Variants in NFYC observed in about 807,000 individuals in gnomAD.
NFYC encodes the protein nuclear transcription factor Y subunit gamma.
A neutral mutation model predicts 53.1 loss-of-function variants in NFYC; 25 were observed. The observed-to-expected ratio is 0.47, with a 90% CI of 0.34 to 0.66. NFYC has a LOEUF of 0.66. Among genes scored for constraint, NFYC ranks in the 30% least tolerant of loss-of-function variants. NFYC has a pLI of 0.01. For synonymous variants in NFYC, 145 were observed against 152.6 expected, an observed-to-expected ratio of 0.95 and a Z score of 0.37; for missense variants, 260 against 422.7, an observed-to-expected ratio of 0.62 and a Z score of 3.38.
intron 1 of NFYC, among the ~76,000 whole-genome samples, chr1:40,727,180 A>G (rs939186492): frequency 2.0e-5 from 3 of 152,210 alleles, no homozygotes; most frequent in African/African-American, 7.2e-5. Context: ...ACTTCCTCCC[A>G]TGAATTTTGA....
intron 2 of NFYC, among the ~76,000 whole-genome samples, chr1:40,746,733 A>G (rs1645626040): frequency 6.6e-6 from 1 of 152,220 alleles, no homozygotes; most frequent in Admixed American, 6.5e-5. Context: ...AAATACCAGT[A>G]GTTTCAAAAT....
chr1:40,695,610 G>T (rs1471736458), intron 1 of NFYC: 2 of 152,060 alleles, frequency 1.3e-5, no homozygotes, highest in African/African-American at 2.4e-5. Context: ...TAGTAGACAC[G>T]GGCTTCCACC....
At chr1:40,702,004 T>C (rs1021338175) in intron 1 of NFYC, among the ~76,000 whole-genome samples, 14 of 152,158 alleles carry the variant, frequency 9.2e-5, no homozygotes, top group African/African-American at 1.2e-4. Flanking sequence ...CCTTTACACA[T>C]CCCTGTCAAG....
chr1:40,714,348 G>C (rs1285239781), intron 1 of NFYC, among the ~76,000 whole-genome samples: 1 of 152,110 alleles, frequency 6.6e-6, no homozygotes, highest in Non-Finnish European at 1.5e-5. Flanking sequence ...CAGCAAAGTG[G>C]TATTATGTGT....
chr1:40,760,347 G>T (rs188990833), intron 6 of NFYC, among the ~76,000 whole-genome samples: 1 of 152,158 alleles, frequency 6.6e-6, no homozygotes. Flanking sequence ...CAGGAGGGTC[G>T]CATGGGCCCG....
intron 1 of NFYC, chr1:40,735,692 C>A (rs1415828771): frequency 1.0e-6 from 1 of 985,244 alleles, no homozygotes; most frequent in Admixed American, 6.1e-5. Context: ...TTGACCTTAG[C>A]AGTTTGCATG....
chr1:40,766,993 C>G, intron 8 of NFYC: 1 of 1,551,250 alleles, frequency 6.4e-7, no homozygotes, highest in Non-Finnish European at 8.7e-7. Context: ...ACCCATCAGA[C>G]CTGGGAAATG....
intron 1 of NFYC, among the ~76,000 whole-genome samples, chr1:40,729,332 C>CA (rs1477589724): frequency 1.3e-5 from 2 of 152,208 alleles, no homozygotes; most frequent in African/African-American, 4.8e-5. Flanking sequence ...TCTACATTAG[C>CA]ACTTGCTACT....
chr1:40,702,144 C>T (rs564847616), intron 1 of NFYC, among the ~76,000 whole-genome samples: 1 of 152,232 alleles, frequency 6.6e-6, no homozygotes, highest in Admixed American at 6.5e-5. Flanking sequence ...TTAATTTATG[C>T]TTTGGAGAAT....
At chr1:40,742,111 A>T (rs961661615) in intron 2 of NFYC, among the ~76,000 whole-genome samples, 1 of 151,656 alleles carries the variant, frequency 6.6e-6, no homozygotes, top group Admixed American at 6.6e-5. Context: ...AGGTCTCACT[A>T]TGTTGCCTAG....
intron 2 of NFYC, among the ~76,000 whole-genome samples, chr1:40,746,379 G>A (rs994524653): frequency 1.6e-4 from 25 of 152,310 alleles, no homozygotes; most frequent in African/African-American, 5.3e-4. Flanking sequence ...AATAGGTTCT[G>A]GGAAGACTGT....
intron 1 of NFYC, chr1:40,734,786 A>G (rs932003620): frequency 6.6e-6 from 1 of 152,256 alleles, no homozygotes; most frequent in Non-Finnish European, 1.5e-5. Flanking sequence ...TTAACAATTT[A>G]TGTTCTTCTA....
chr1:40,713,449 C>G (rs1332915125), intron 1 of NFYC, among the ~76,000 whole-genome samples: 2 of 151,898 alleles, frequency 1.3e-5, no homozygotes, highest in Non-Finnish European at 2.9e-5. Context: ...AAGATGAGGT[C>G]TCCCTTTTAA....
At chr1:40,765,493 C>G (rs898183186) in intron 7 of NFYC, among the ~76,000 whole-genome samples, 4 of 152,232 alleles carry the variant, frequency 2.6e-5, no homozygotes, top group Non-Finnish European at 5.9e-5. Flanking sequence ...TGGAAGAGTC[C>G]TGCAGTGAAG....
Position 40,697,844 on chromosome 1 carries a change from A to G in NFYC, c.-9+5977A>G, listed in dbSNP as rs1211317358. Among the ~76,000 whole-genome samples the G allele has an allele frequency of 3.9e-5, 6 of 152,252 alleles. No individual in the cohort carries two copies. In the South Asian group the frequency reaches 6.2e-4, roughly 16 times the overall value. ...CCCTTCCCACACTTCTCCATGTGTT[A>G]GCAGTGATGTACCTGATAGCAGTGA... On this transcript the variant is annotated intron_variant, in intron 1 of 9. Coordinates refer to ENST00000447388, the MANE Select transcript of NFYC (RefSeq NM_014223.5).
intron 4 of NFYC, among the ~76,000 whole-genome samples, chr1:40,751,948 G>A (rs1212970793): frequency 6.6e-6 from 1 of 151,986 alleles, no homozygotes; most frequent in Non-Finnish European, 1.5e-5. Flanking sequence ...CAAGAAGGGC[G>A]GACTAGAGTT....
At chr1:40,756,298 T>C (rs1289328142) in intron 5 of NFYC, among the ~76,000 whole-genome samples, 1 of 152,230 alleles carries the variant, frequency 6.6e-6, no homozygotes, top group Non-Finnish European at 1.5e-5. Context: ...GTTGAAATTG[T>C]TGTGGAAATT....
At chr1:40,738,028 A>C (rs940398531) in intron 1 of NFYC, among the ~76,000 whole-genome samples, 1 of 148,376 alleles carries the variant, frequency 6.7e-6, no homozygotes, top group Non-Finnish European at 1.5e-5. Context: ...TCAGCCTCCC[A>C]AGTAGCTGGG....
chr1:40,696,807 G>A (rs1339916663), intron 1 of NFYC, among the ~76,000 whole-genome samples: 1 of 152,220 alleles, frequency 6.6e-6, no homozygotes, highest in Non-Finnish European at 1.5e-5. Context: ...GAAACTGGTT[G>A]TGAGTTATCT....
Sources: allele counts gnomAD v4.1 joint callset (sites outside exome capture counted in the v4.1 genomes callset), GRCh38; gene constraint gnomAD v4.1.1; transcripts MANE v1.5; gene names NCBI Gene and HGNC (gene_info 2026-07-23, HGNC 2026-07-21).